CIMIP2C: variants seen among roughly 807,000 people sequenced by gnomAD.
CIMIP2C encodes the protein ciliary microtubule inner protein 2C, also known as UPF0573 protein C2orf70.
the CIMIP2C span, among the ~76,000 whole-genome samples, chr2:26,571,492 G>A: frequency 2.6e-5 from 4 of 152,220 alleles, no homozygotes; most frequent in Non-Finnish European, 4.4e-5. Context: ...AACACCGAGT[G>A]AGGATTGGGC....
chr2:26,577,182 A>T, the CIMIP2C span, among the ~76,000 whole-genome samples: 12 of 152,226 alleles, frequency 7.9e-5, no homozygotes, highest in Non-Finnish European at 1.6e-4. Context: ...CCAGGCGGAC[A>T]TGGTGCCTGT....
chr2:26,562,660 C>A, the CIMIP2C span: 1 of 1,582,924 alleles, frequency 6.3e-7, no homozygotes, highest in Non-Finnish European at 8.6e-7. Flanking sequence ...TCAATGCCGC[C>A]TACGTGCCCC....
the CIMIP2C span, chr2:26,578,380 C>T: frequency 5.0e-6 from 1 of 200,234 alleles, no homozygotes; most frequent in African/African-American, 2.3e-5. Flanking sequence ...CTAAGATTCA[C>T]CATCATCCTT....
At chr2:26,575,476 G>T in the CIMIP2C span, among the ~76,000 whole-genome samples, 1 of 152,214 alleles carries the variant, frequency 6.6e-6, no homozygotes. Flanking sequence ...GACTGGGGGG[G>T]TATCTGGTGT....
At chr2:26,577,614 C>A in the CIMIP2C span, 1 of 1,613,742 alleles carries the variant, frequency 6.2e-7, no homozygotes, top group Non-Finnish European at 8.5e-7. Flanking sequence ...AACGGTACCC[C>A]CTCCCCACCG....
the CIMIP2C span, among the ~76,000 whole-genome samples, chr2:26,570,482 A>G: frequency 7.9e-5 from 12 of 152,220 alleles, no homozygotes; most frequent in Non-Finnish European, 4.4e-5. Context: ...GCAGAAGAAG[A>G]GACAAGTTCA....
At chr2:26,567,965 G>A in the CIMIP2C span, among the ~76,000 whole-genome samples, 1 of 152,160 alleles carries the variant, frequency 6.6e-6, no homozygotes, top group Non-Finnish European at 1.5e-5. Context: ...GTGTGGTCCT[G>A]TTTTCAAGCA....
the CIMIP2C span, among the ~76,000 whole-genome samples, chr2:26,572,533 G>A: frequency 1.1e-4 from 16 of 152,202 alleles, no homozygotes; most frequent in South Asian, 4.1e-4. Context: ...TTTTCCCTGC[G>A]GAATGCTGTG....
chr2:26,569,389 C>G, the CIMIP2C span, among the ~76,000 whole-genome samples: 1 of 152,168 alleles, frequency 6.6e-6, no homozygotes, highest in Non-Finnish European at 1.5e-5. Context: ...GGGACTGACA[C>G]CTGGCCCCGC....
the CIMIP2C span, among the ~76,000 whole-genome samples, chr2:26,567,013 A>G: frequency 6.6e-6 from 1 of 152,330 alleles, no homozygotes; most frequent in South Asian, 2.1e-4. Flanking sequence ...GCCTAATATA[A>G]CATATTTAAT....
At chr2:26,576,097 C>T in the CIMIP2C span, 1 of 1,614,206 alleles carries the variant, frequency 6.2e-7, no homozygotes, top group Non-Finnish European at 8.5e-7. Flanking sequence ...GCACCCGGGA[C>T]CGCTGGCTGC....
chr2:26,567,228 G>C, the CIMIP2C span, among the ~76,000 whole-genome samples: 6 of 152,284 alleles, frequency 3.9e-5, no homozygotes, highest in East Asian at 1.2e-3. Flanking sequence ...CATGTCACAA[G>C]AGGGACCAGG....
the CIMIP2C span, among the ~76,000 whole-genome samples, chr2:26,563,686 C>T: frequency 3.3e-5 from 5 of 152,140 alleles, no homozygotes; most frequent in East Asian, 1.9e-4. Flanking sequence ...TGAAAAAGCC[C>T]GCATGCTCTC....
At chr2:26,566,721 G>T in the CIMIP2C span, among the ~76,000 whole-genome samples, 83 of 152,242 alleles carry the variant, frequency 5.5e-4, no homozygotes, top group African/African-American at 1.9e-3. Flanking sequence ...TGGTTTTAGT[G>T]TGTTTTTCTT....
At chr2:26,574,710 T>A in the CIMIP2C span, among the ~76,000 whole-genome samples, 2 of 151,880 alleles carry the variant, frequency 1.3e-5, no homozygotes, top group Non-Finnish European at 1.5e-5. Context: ...CTCATGAAGG[T>A]GTGGTCAGAG....
At chr2:26,575,887 C>G in the CIMIP2C span, 2 of 1,610,092 alleles carry the variant, frequency 1.2e-6, no homozygotes, top group Non-Finnish European at 1.7e-6. Context: ...CCACCACCCC[C>G]ACCGTGATCG....
chr2:26,579,162 T>C, the CIMIP2C span: 3 of 990,794 alleles, frequency 3.0e-6, no homozygotes, highest in South Asian at 1.6e-5. Context: ...GGGGGACTTA[T>C]CAGGTGTTAA....
At chr2:26,576,088 C>T in the CIMIP2C span, 2 of 1,614,226 alleles carry the variant, frequency 1.2e-6, no homozygotes, top group African/African-American at 1.3e-5. Flanking sequence ...AGCGCGCCAG[C>T]ACCCGGGACC....
At chr2:26,562,889 T>G in the CIMIP2C span, 1 of 568,978 alleles carries the variant, frequency 1.8e-6, no homozygotes, top group Non-Finnish European at 3.1e-6. Flanking sequence ...CCTCCCCAGA[T>G]TCCCCTTCAC....
Sources: allele counts gnomAD v4.1 joint callset (sites outside exome capture counted in the v4.1 genomes callset), GRCh38; gene constraint gnomAD v4.1.1; transcripts MANE v1.5; gene names NCBI Gene and HGNC (gene_info 2026-07-23, HGNC 2026-07-21).